Variants in ZGRF1 observed in about 807,000 individuals in gnomAD.
ZGRF1 encodes the protein 5'-3' DNA helicase ZGRF1.
A neutral mutation model predicts 203.5 loss-of-function variants in ZGRF1; 196 were observed. That is an observed-to-expected ratio of 0.96 (90% CI 0.86 to 1.08). The LOEUF (loss-of-function observed/expected upper bound fraction) is 1.08, where lower values mean the gene tolerates loss of function less well. Ranked by LOEUF, ZGRF1 falls within the 50% of genes least tolerant of loss-of-function variation. The probability of loss-of-function intolerance (pLI) is 0.00; values close to 1 mark genes in which losing one functional copy is unlikely to be tolerated. For synonymous variants in ZGRF1, 809 were observed against 841.3 expected (o/e 0.96, Z 0.66); for missense variants, 2,326 against 2,416.3 (o/e 0.96, Z 0.78).
intron 2 of ZGRF1, among the ~76,000 whole-genome samples, 165 bp from the exon 3 acceptor site, chr4:112,632,175 T>G (rs938854070): frequency 1.3e-5 from 2 of 150,620 alleles, no homozygotes; most frequent in Non-Finnish European, 2.9e-5. Flanking sequence ...AAAGCACAGA[T>G]AGCATGACAA....
chr4:112,620,793 G>A (rs967889345), intron 4 of ZGRF1, among the ~76,000 whole-genome samples: 1 of 151,548 alleles, frequency 6.6e-6, no homozygotes, highest in Non-Finnish European at 1.5e-5. Flanking sequence ...CAGACTAGGA[G>A]GTCAAGGCTG....
intron 10 of ZGRF1, among the ~76,000 whole-genome samples, chr4:112,596,593 A>G (rs1560828158): frequency 6.8e-6 from 1 of 147,848 alleles, no homozygotes; most frequent in African/African-American, 2.5e-5. Flanking sequence ...GAATATCAGG[A>G]TTTTTTTTTT....
intron 8 of ZGRF1, among the ~76,000 whole-genome samples, chr4:112,606,658 A>C (rs1226373043): frequency 7.1e-6 from 1 of 141,220 alleles, no homozygotes; most frequent in Non-Finnish European, 1.6e-5. Flanking sequence ...ACTCCGTCTC[A>C]AAAAAAAAAA....
intron 10 of ZGRF1, among the ~76,000 whole-genome samples, chr4:112,596,554 G>A (rs1015969765): frequency 2.6e-5 from 4 of 151,948 alleles, no homozygotes; most frequent in African/African-American, 9.7e-5. Flanking sequence ...AATGAAACCT[G>A]AAGGAAAGCA....
At chr4:112,543,890 G>A (rs1051595557) in intron 24 of ZGRF1, among the ~76,000 whole-genome samples, 8 of 152,006 alleles carry the variant, frequency 5.3e-5, no homozygotes, top group African/African-American at 7.3e-5. Flanking sequence ...TCAGAGCTCC[G>A]GTGCCAGAGC....
At chr4:112,555,219 C>T (rs549647444) in intron 20 of ZGRF1, among the ~76,000 whole-genome samples, 2 of 152,318 alleles carry the variant, frequency 1.3e-5, no homozygotes, top group South Asian at 4.2e-4. Flanking sequence ...GGTGAGGTAT[C>T]ATGATTCAAG....
intron 22 of ZGRF1, among the ~76,000 whole-genome samples, chr4:112,552,186 G>C (rs771404097): frequency 6.6e-6 from 1 of 151,864 alleles, no homozygotes; most frequent in African/African-American, 2.4e-5. Context: ...GCTGAGGCAG[G>C]AGAATTGCTT....
chr4:112,587,220 G>A, intron 12 of ZGRF1, 60 bp downstream of exon 12: 1 of 1,483,448 alleles, frequency 6.7e-7, no homozygotes, highest in Non-Finnish European at 9.0e-7. Flanking sequence ...TAATTCTTTT[G>A]TTGAAATTCA....
chr4:112,585,837 A>G, intron 13 of ZGRF1, 112 bp from the exon 14 acceptor site: 1 of 592,020 alleles, frequency 1.7e-6, no homozygotes. Flanking sequence ...GAGTCATATA[A>G]TAGGAATATC....
rs1478430522 is a variant in ZGRF1 at position 112,565,392 on chromosome 4, T to C, written c.4439-2118A>G. 4.4e-6 allele frequency: 4 copies of C among 919,460 alleles called. No individual in the cohort carries two copies. The Admixed American group carries it at 5.4e-5, about 12-fold the overall frequency. The allele number at this position is 919,460 out of a possible 1,614,324, so 57.0% of individuals were successfully genotyped here. A position where few individuals can be genotyped will look rare whatever the true frequency, so the allele number is the denominator to read the frequency against. ...TAGCATGCCACATACGTTGAGAATG[T>C]GCTTTAGAATCCACTATGATGGGAA... On this transcript the variant is annotated intron_variant, in intron 16 of 27. Transcript: ENST00000505019.
intron 10 of ZGRF1, among the ~76,000 whole-genome samples, chr4:112,598,996 AG>A (rs1749499572): frequency 6.6e-6 from 1 of 152,156 alleles, no homozygotes; most frequent in African/African-American, 2.4e-5. Context: ...GGTTGCAGTG[AG>A]CCAATATCAT....
chr4:112,577,958 C>A (rs1412410532), intron 16 of ZGRF1, among the ~76,000 whole-genome samples: 1 of 122,714 alleles, frequency 8.1e-6, no homozygotes, highest in East Asian at 2.4e-4. Flanking sequence ...ACTCTCCACC[C>A]CAAATCAACA....
At chr4:112,568,429 G>A (rs940685571) in intron 16 of ZGRF1, among the ~76,000 whole-genome samples, 13 of 152,132 alleles carry the variant, frequency 8.5e-5, no homozygotes, top group African/African-American at 1.4e-4. Flanking sequence ...TCAGAGTGCC[G>A]GCCAGGTGTG....
At position 112,618,635 on chromosome 4, in the gene ZGRF1, T is replaced by C. The variant is rs1451795347; in HGVS notation, c.1407A>G (p.Glu469=). 6.2e-7 allele frequency: 1 copy of C among 1,613,374 alleles called. No individual in the cohort carries two copies. Among genetic ancestry groups the C allele is most frequent in the Non-Finnish European group, 8.5e-7 (1 of 1,179,648 alleles). The change falls in exon 6 of 28, where the codon GAA becomes GAG. Residue 469 remains glutamate, a synonymous_variant. Coordinates refer to ENST00000505019, the MANE Select transcript of ZGRF1 (RefSeq NM_018392.5). ...AQEVNTCGTL[E]KEYEQSESSL... is the part of the protein sequence containing the mutation. Reference sequence around the variant, plus strand: ...ATGACTCTGATTGTTCATACTCCTTTTCCAGTGTTCCACATGTATTTACCT... The same window carrying C: ...ATGACTCTGATTGTTCATACTCCTTCTCCAGTGTTCCACATGTATTTACCT...
At chr4:112,571,465 C>T (rs2148943065) in intron 16 of ZGRF1, among the ~76,000 whole-genome samples, 1 of 152,090 alleles carries the variant, frequency 6.6e-6, no homozygotes, top group African/African-American at 2.4e-5. Context: ...AAAACTTCTA[C>T]AGGGAAATTT....
intron 19 of ZGRF1, among the ~76,000 whole-genome samples, chr4:112,559,699 G>T (rs916944829): frequency 6.6e-6 from 1 of 152,156 alleles, no homozygotes; most frequent in Non-Finnish European, 1.5e-5. Flanking sequence ...ACCCTATGAG[G>T]TGAATGCTAT....
intron 22 of ZGRF1, among the ~76,000 whole-genome samples, chr4:112,549,423 AAC>A (rs1015007834): frequency 1.3e-5 from 2 of 152,216 alleles, no homozygotes; most frequent in Non-Finnish European, 2.9e-5. Context: ...CGTGTGTATA[AAC>A]ACAAACACAT....
intron 6 of ZGRF1, among the ~76,000 whole-genome samples, chr4:112,613,086 G>A (rs1215417926): frequency 6.6e-6 from 1 of 152,172 alleles, no homozygotes; most frequent in African/African-American, 2.4e-5. Context: ...TTGAGGCCAG[G>A]ATTTCAAGAC....
In ZGRF1 at chr4:112,553,896, A is replaced by T; in HGVS notation, c.5285T>A (p.Val1762Asp). The change falls in exon 22 of 28, where the codon GTC becomes GAC. Residue 1762 changes from valine to aspartate, a missense_variant. Transcript: ENST00000505019. ...MKEDLTPTERVYVRKSIEQHK... is the reference protein window; with the variant it reads ...MKEDLTPTERDYVRKSIEQHK... ...CTGCTCAATGCTTTTTCTCACATAG[A>T]CTCTTTCCGTAGGAGTCAGGTCTTC... The T allele has an allele frequency of 6.2e-7, 1 of 1,613,332 alleles. No individual in the cohort carries two copies. The highest frequency in any genetic ancestry group is 8.5e-7 in the Non-Finnish European group (1 of 1,179,700).
Sources: gnomAD v4.1 joint callset for allele counts (sites outside exome capture counted in the v4.1 genomes callset) on GRCh38, gnomAD v4.1.1 for gene constraint, MANE v1.5 for transcripts, NCBI Gene and HGNC (gene_info 2026-07-23, HGNC 2026-07-21) for gene names.